LARGE1: variants seen among roughly 807,000 people sequenced by gnomAD.
The protein encoded by LARGE1 is LARGE xylosyl- and glucuronyltransferase 1, also known as xylosyl- and glucuronyltransferase LARGE1.
A neutral mutation model predicts 87.6 loss-of-function variants in LARGE1; 43 were observed. That is an observed-to-expected ratio of 0.49 (90% confidence interval 0.38 to 0.63). The LOEUF (loss-of-function observed/expected upper bound fraction) is 0.63. LARGE1 is among the 30% of genes least tolerant of loss of function. The pLI is 0.00. For missense variants in LARGE1, 802 were observed against 1,000.2 expected, an observed-to-expected ratio of 0.80 and a Z score of 2.67; for synonymous variants, 434 against 394.6, an observed-to-expected ratio of 1.10 and a Z score of -1.18.
At chr22:33,731,328 C>T (rs16992908) in intron 2 of LARGE1, among the ~76,000 whole-genome samples, 6,976 of 152,086 alleles carry the variant, frequency 0.046, 255 homozygotes, top group East Asian at 0.21. Flanking sequence ...AGTAGAATGA[C>T]CCGAGAGAAC....
intron 1 of LARGE1, among the ~76,000 whole-genome samples, chr22:33,839,021 C>T (rs577492864): frequency 6.2e-4 from 95 of 152,266 alleles, no homozygotes; most frequent in African/African-American, 2.2e-3. Context: ...CATAGACCCA[C>T]CAAAAAGTCA....
chr22:33,417,590 A>G (rs1022609166), intron 7 of LARGE1, among the ~76,000 whole-genome samples: 3 of 152,192 alleles, frequency 2.0e-5, no homozygotes, highest in Non-Finnish European at 2.9e-5. Context: ...CACCCTTATT[A>G]TTTCACAGTT....
chr22:33,656,083 G>GTGTGTGTA (rs1491045469), intron 2 of LARGE1, among the ~76,000 whole-genome samples: 1 of 145,964 alleles, frequency 6.9e-6, no homozygotes, highest in Non-Finnish European at 1.5e-5. Context: ...GTGTGTGTGT[G>GTGTGTGTA]TACACACACA....
At chr22:33,519,995 TCTC>T (rs1252002800) in intron 6 of LARGE1, among the ~76,000 whole-genome samples, 1 of 149,864 alleles carries the variant, frequency 6.7e-6, no homozygotes, top group Non-Finnish European at 1.5e-5. Flanking sequence ...CAGTGGTTTT[TCTC>T]TTTTTTTTTT....
chr22:33,271,696 C>T (rs909406314), downstream of LARGE1, among the ~76,000 whole-genome samples: 2 of 152,262 alleles, frequency 1.3e-5, no homozygotes, highest in African/African-American at 2.4e-5. Flanking sequence ...GCTCCCCACA[C>T]ATAAGCTGGG....
chr22:33,857,904 C>T (rs2063799936), intron 1 of LARGE1, among the ~76,000 whole-genome samples: 1 of 152,176 alleles, frequency 6.6e-6, no homozygotes, highest in Admixed American at 6.5e-5. Flanking sequence ...GGGTTCCTTG[C>T]TCCCAAGTTG....
the LARGE1 span, among the ~76,000 whole-genome samples, chr22:33,151,091 T>C: frequency 6.6e-6 from 1 of 152,240 alleles, no homozygotes; most frequent in Non-Finnish European, 1.5e-5. Context: ...CACAGTATGC[T>C]TCTCCATTTA....
intron 2 of LARGE1, among the ~76,000 whole-genome samples, chr22:33,702,802 T>C (rs2082438775): frequency 6.6e-6 from 1 of 152,186 alleles, no homozygotes; most frequent in Admixed American, 6.5e-5. Flanking sequence ...GTGAGGTAAA[T>C]GTTACTAGAT....
intron 6 of LARGE1, among the ~76,000 whole-genome samples, chr22:33,433,607 CAAAAAAA>C (rs57605083): frequency 2.6e-4 from 23 of 88,260 alleles, no homozygotes; most frequent in Admixed American, 5.6e-4. Flanking sequence ...AAAAACAAAA[CAAAAAAA>C]AAAAAAAAAA....
At chr22:33,379,433 C>T (rs1024404141) in intron 9 of LARGE1, among the ~76,000 whole-genome samples, 4 of 152,012 alleles carry the variant, frequency 2.6e-5, no homozygotes, top group Admixed American at 1.3e-4. Context: ...CCATGACAGG[C>T]CCCGGTGTGT....
In LARGE1 at chr22:33,729,974, G is replaced by C. The variant is rs191028746; in HGVS notation, c.106+31397C>G. On this transcript the variant is annotated intron_variant, in intron 2 of 14. Transcript: ENST00000397394. ...CTGCCCTCATGAAGTGTGTGTGTGC[G>C]TGTGTGCATGCGTGTGTGTGTGCGT... 4.5e-4 allele frequency among the ~76,000 whole-genome samples: 68 copies of C among 152,132 alleles called. 1 individual carries two copies. The highest frequency in any genetic ancestry group is 1.5e-3 in the African/African-American group (62 of 41,490).
chr22:33,111,544 T>C, the LARGE1 span, among the ~76,000 whole-genome samples: 58 of 152,236 alleles, frequency 3.8e-4, no homozygotes, highest in African/African-American at 1.4e-3. Flanking sequence ...CCCTAGCTGA[T>C]TGGATTAATT....
chr22:33,149,285 G>GCC, the LARGE1 span, among the ~76,000 whole-genome samples: 1 of 151,830 alleles, frequency 6.6e-6, no homozygotes, highest in African/African-American at 2.4e-5. Flanking sequence ...CTCGTGATCC[G>GCC]CCCGCCTTGG....
chr22:33,534,202 A>G (rs2148592565), intron 6 of LARGE1, among the ~76,000 whole-genome samples: 1 of 152,026 alleles, frequency 6.6e-6, no homozygotes, highest in Non-Finnish European at 1.5e-5. Context: ...CAGGAGATCG[A>G]GACCATCCTG....
intron 6 of LARGE1, among the ~76,000 whole-genome samples, chr22:33,497,147 C>G (rs1327107430): frequency 6.6e-6 from 1 of 150,682 alleles, no homozygotes; most frequent in Non-Finnish European, 1.5e-5. Context: ...GCAATCTTGG[C>G]TCACTGCAAC....
intron 1 of LARGE1, among the ~76,000 whole-genome samples, chr22:33,919,009 C>G (rs1473603879): frequency 6.6e-6 from 1 of 151,858 alleles, no homozygotes; most frequent in Non-Finnish European, 1.5e-5. Context: ...ATTTTGCTCC[C>G]TCAGGAGATC....
chr22:33,689,888 T>C (rs1179673276), intron 2 of LARGE1, among the ~76,000 whole-genome samples: 2 of 151,802 alleles, frequency 1.3e-5, no homozygotes, highest in Non-Finnish European at 1.5e-5. Flanking sequence ...GATGGTGCCA[T>C]TGCACTCCAG....
At chr22:33,696,332 G>A (rs1029125093) in intron 2 of LARGE1, among the ~76,000 whole-genome samples, 11 of 145,182 alleles carry the variant, frequency 7.6e-5, no homozygotes, top group African/African-American at 7.7e-5. Flanking sequence ...GCGCAATCTC[G>A]GCTCAATGCA....
intron 3 of LARGE1, among the ~76,000 whole-genome samples, chr22:33,631,570 A>C (rs1270422178): frequency 6.6e-6 from 1 of 152,122 alleles, no homozygotes; most frequent in East Asian, 1.9e-4. Flanking sequence ...ACCTTGTCCC[A>C]CTGGAAGGTC....
Sources: allele counts gnomAD v4.1 joint callset (sites outside exome capture counted in the v4.1 genomes callset), GRCh38; gene constraint gnomAD v4.1.1; transcripts MANE v1.5; gene names NCBI Gene and HGNC (gene_info 2026-07-23, HGNC 2026-07-21).